The following POLD2 variants were observed in gnomAD, a reference collection of about 807,000 sequenced individuals.
POLD2 encodes the protein DNA polymerase delta 2, accessory subunit.
In POLD2, 31 loss-of-function variants were observed where a neutral mutation model predicts 48.8. The ratio of observed to expected loss-of-function variants is 0.64; its 90% CI spans 0.48 to 0.86. The LOEUF is 0.86. POLD2 is among the 40% of genes least tolerant of loss of function. The pLI is 0.00. For missense variants in POLD2, 455 were observed against 610.1 expected, an observed-to-expected ratio of 0.75 and a Z score of 2.68; for synonymous variants, 233 against 256.3, an observed-to-expected ratio of 0.91 and a Z score of 0.87.
chr7:44,115,909 C>T lies in POLD2; in HGVS notation c.1020-16G>A. 6.2e-7 allele frequency: 1 copy of T among 1,614,204 alleles called. No individual in the cohort carries two copies. The highest frequency in any genetic ancestry group is 2.2e-5 in the East Asian group (1 of 44,888). On this transcript the variant is annotated splice_polypyrimidine_tract_variant and intron_variant, in intron 8 of 10. Transcript: ENST00000610533. ...CCCCAAAAATCTGCAAGGCAAAGCT[C>T]AGCTGACTCTTGGCTTTGGGTGCCA...
At position 44,117,267 on chromosome 7, in the gene POLD2, G is replaced by A. The variant is rs767542634; in HGVS notation, c.467-20C>T. ...CAGTCCCTGGGGAGCAGTGGCATCA[G>A]GCCTGAGCAGGGAGCCCCAGGTGCT... On this transcript the variant is annotated intron_variant, in intron 4 of 10. Transcript: ENST00000610533. 7.0e-6 allele frequency: 11 copies of A among 1,575,804 alleles called. No individual in the cohort carries two copies. Among genetic ancestry groups the A allele is most frequent in the Non-Finnish European group, 7.0e-6 (8 of 1,147,076 alleles).
intron 1 of POLD2, 180 bp downstream of exon 1, chr7:44,123,331 A>T: frequency 7.3e-7 from 1 of 1,367,264 alleles, no homozygotes; most frequent in Non-Finnish European, 9.4e-7. Context: ...AGGCCGCGCT[A>T]CTCGGGATGG....
intron 10 of POLD2, 22 bp downstream of exon 10, chr7:44,115,273 G>C (rs930924194): frequency 6.6e-7 from 1 of 1,509,956 alleles, no homozygotes; most frequent in Non-Finnish European, 9.2e-7. Flanking sequence ...ATCAGCCTGG[G>C]CCCCCAGAAG....
chr7:44,115,368 C>T lies in POLD2; in HGVS notation c.1176G>A (p.Pro392=), dbSNP rs143498663. ...CATGCGGGCACTCTGGGAAGATGAA[C>T]GGGTCAGTTTTGTAGAAGGGGTAAC... ...LGCYPFYKTD[P]FIFPECPHVY... Residue 392 remains proline (P), a synonymous_variant, in exon 10 of 11, where the codon CCG becomes CCA. Transcript: ENST00000610533. 3.3e-5 allele frequency: 53 copies of T among 1,613,622 alleles called. No individual in the cohort carries two copies. Among genetic ancestry groups the T allele is most frequent in the Middle Eastern group, 1.6e-4 (1 of 6,084 alleles).
chr7:44,114,958 C>A lies in POLD2; in HGVS notation c.1250-13G>T. The A allele has an allele frequency of 6.3e-7, 1 of 1,592,394 alleles. No homozygotes were observed. The highest frequency in any genetic ancestry group is 1.1e-5 in the South Asian group (1 of 89,714). On this transcript the variant is annotated splice_polypyrimidine_tract_variant and intron_variant, in intron 10 of 10. Transcript: ENST00000610533. Reference sequence around the variant, plus strand: ...TGGTCCTCAGGACCTGCAAAGAAGTCACATAGGACCCACTGTAGGTTCCAA... The same window carrying A: ...TGGTCCTCAGGACCTGCAAAGAAGTAACATAGGACCCACTGTAGGTTCCAA...
chr7:44,123,203 G>A, intron 1 of POLD2: 1 of 1,244,680 alleles, frequency 8.0e-7, no homozygotes, highest in Non-Finnish European at 1.0e-6. Flanking sequence ...ATTCCCTAGC[G>A]GCTTGCAATC....
At chr7:44,118,621 TC>T (rs2096244052) in intron 2 of POLD2, among the ~76,000 whole-genome samples, 1 of 152,022 alleles carries the variant, frequency 6.6e-6, no homozygotes, top group Non-Finnish European at 1.5e-5. Flanking sequence ...CACGCCATTC[TC>T]CTGCCTCAGC....
intron 3 of POLD2, 51 bp downstream of exon 3, chr7:44,117,892 G>A: frequency 3.7e-6 from 6 of 1,605,532 alleles, no homozygotes; most frequent in Non-Finnish European, 5.1e-6. Flanking sequence ...AGGTGTTCTA[G>A]TGGGAGGCCA....
At chr7:44,115,247 G>A in intron 10 of POLD2, 48 bp downstream of exon 10, 1 of 1,215,812 alleles carries the variant, frequency 8.2e-7, no homozygotes, top group Non-Finnish European at 1.2e-6. Context: ...GTCCCCAGGT[G>A]AGAGCAAATC....
At position 44,122,096 on chromosome 7, in the gene POLD2, G is replaced by A. The variant is rs371406531; in HGVS notation, c.-43C>T. 5.5e-5 allele frequency: 88 copies of A among 1,598,010 alleles called. No individual in the cohort carries two copies. Among genetic ancestry groups the A allele is most frequent in the Admixed American group, 1.2e-4 (7 of 59,092 alleles). Reference sequence around the variant, plus strand: ...GCTTGGTCCACACAGCTTCGCCCAGGCCAAGGAGGTTCACTGCGAAAACAC... The same window carrying A: ...GCTTGGTCCACACAGCTTCGCCCAGACCAAGGAGGTTCACTGCGAAAACAC... On this transcript the variant is annotated 5_prime_UTR_variant, in exon 2 of 11. Transcript: ENST00000610533.
Position 44,121,923 on chromosome 7 carries a change from C to T in POLD2, c.131G>A (p.Arg44His), listed in dbSNP as rs571555844. The T allele has an allele frequency of 9.7e-5, 156 of 1,613,840 alleles. No individual in the cohort carries two copies. The highest frequency in any genetic ancestry group is 1.2e-4 in the Non-Finnish European group (143 of 1,180,040). Residue 44 changes from arginine (R) to histidine (H), a missense_variant, in exon 2 of 11, where the codon CGC becomes CAC. Arg to His is a conservative substitution (Grantham distance 29). Transcript: ENST00000610533. This position sits in a 1 kb window ranked among gnomAD's most constrained non-coding sequence, Gnocchi z 4.5. ...NSSQPFRLGE[R>H]SFSRQYAHIY... is the part of the protein sequence containing the mutation. ...GTGGGCATACTGCCGGCTAAAGCTG[C>T]GCTCTCCTAGCCGGAAGGGTTGTGA... is the stretch of plus-strand genomic sequence containing the variant.
chr7:44,121,822 A>C lies in POLD2; in HGVS notation c.220+12T>G. 2 of 1,606,868 alleles carry C rather than the reference A, an allele frequency of 1.2e-6. No homozygotes were observed. Among genetic ancestry groups the C allele is most frequent in the Non-Finnish European group, 1.7e-6 (2 of 1,175,646 alleles). On this transcript the variant is annotated intron_variant, in intron 2 of 10. Transcript: ENST00000610533. The surrounding 1 kb of genome is among the most constrained non-coding windows in gnomAD (Gnocchi z 4.5). ...TGCTGTGGGGGAAGCACCTTCCCAA[A>C]CTCTCACTTACCCCAGTGCTGCTGG...
intron 9 of POLD2, 107 bp from the exon 10 acceptor site, chr7:44,115,503 C>A: frequency 1.2e-6 from 1 of 814,150 alleles, no homozygotes. Context: ...GTAGGAGACC[C>A]CCAGTGTGAC....
In POLD2 at chr7:44,115,866, C is replaced by A. The variant is rs374181613; in HGVS notation, c.1047G>T (p.Val349=). Residue 349 remains valine, a synonymous_variant, in exon 9 of 11, where the codon GTG becomes GTT. Transcript: ENST00000610533. ...VRFLGTSGQN[V]SDIFRYSSME... is the part of the protein sequence containing the mutation. ...TGCTGCTGTATCGGAAAATGTCACTCACGTTCTGTCCTGATGTCCCCAAAA... is the reference window on the plus strand; with the variant it reads ...TGCTGCTGTATCGGAAAATGTCACTAACGTTCTGTCCTGATGTCCCCAAAA... 1 of 1,614,214 alleles carries A rather than the reference C, an allele frequency of 6.2e-7. No individual in the cohort carries two copies. The highest frequency in any genetic ancestry group is 2.2e-5 in the East Asian group (1 of 44,884).
Position 44,114,836 on chromosome 7 carries a change from C to T in POLD2, c.1359G>A (p.Ser453=), listed in dbSNP as rs780661985. 60 of 1,613,862 alleles carry T rather than the reference C, an allele frequency of 3.7e-5. No homozygotes were observed. The highest frequency in any genetic ancestry group is 4.7e-5 in the Non-Finnish European group (55 of 1,179,906). ...RSLACQPISF[S]GFGAEDDDLG... is the part of the protein sequence containing the mutation. ...GGTCATCGTCCTCTGCCCCGAAGCC[C>T]GAGAAGCTGATGGGCTGGCAGGCCA... The change falls in exon 11 of 11, where the codon TCG becomes TCA. Residue 453 remains serine, a synonymous_variant. Transcript: ENST00000610533.
chr7:44,115,539 A>G, intron 9 of POLD2, 143 bp from the exon 10 acceptor site: 1 of 733,808 alleles, frequency 1.4e-6, no homozygotes, highest in Non-Finnish European at 2.3e-6. Context: ...AGACATTGTC[A>G]CAAGACCTTG....
Position 44,114,962 on chromosome 7 carries a change from T to A in POLD2, c.1250-17A>T. 1.3e-6 allele frequency: 2 copies of A among 1,591,482 alleles called. No homozygotes were observed. The highest frequency in any genetic ancestry group is 8.6e-7 in the Non-Finnish European group (1 of 1,164,120). On this transcript the variant is annotated splice_polypyrimidine_tract_variant and intron_variant, in intron 10 of 10. Transcript: ENST00000610533. ...CCTCAGGACCTGCAAAGAAGTCACA[T>A]AGGACCCACTGTAGGTTCCAAGTAA... is the stretch of plus-strand genomic sequence containing the variant.
At chr7:44,115,612 A>G in intron 9 of POLD2, 154 bp downstream of exon 9, 1 of 869,792 alleles carries the variant, frequency 1.1e-6, no homozygotes, top group Non-Finnish European at 1.8e-6. Flanking sequence ...ATTCCAGAGT[A>G]GCTTCCAGAG....
At chr7:44,117,825 C>T (rs781752494) in intron 3 of POLD2, 83 bp from the exon 4 acceptor site, 110 of 1,601,124 alleles carry the variant, frequency 6.9e-5, no homozygotes, top group Non-Finnish European at 8.6e-5. Flanking sequence ...CCGCAGCCCC[C>T]ACCCCTCTGG....
Sources: allele counts gnomAD v4.1 joint callset (sites outside exome capture counted in the v4.1 genomes callset), GRCh38; gene constraint gnomAD v4.1.1; non-coding constraint Gnocchi (gnomAD v3.1); transcripts MANE v1.5; gene names NCBI Gene and HGNC (gene_info 2026-07-23, HGNC 2026-07-21).